ZNF616: variants seen among roughly 807,000 people sequenced by gnomAD.
ZNF616 encodes zinc finger protein 616.
In ZNF616, 5 loss-of-function variants were observed where a neutral mutation model predicts 7.6. The ratio of observed to expected loss-of-function variants is 0.66; its 90% CI spans 0.34 to 1.38. The LOEUF (loss-of-function observed/expected upper bound fraction) is 1.38. Ranked by LOEUF, ZNF616 falls within the 40% of genes most tolerant of loss-of-function variation. ZNF616 has a pLI of 0.04. For synonymous variants in ZNF616, 319 were observed against 317.2 expected, an observed-to-expected ratio of 1.01 and a Z score of -0.06; for missense variants, 913 against 948.3, an observed-to-expected ratio of 0.96 and a Z score of 0.49.
intron 2 of ZNF616, among the ~76,000 whole-genome samples, chr19:52,126,187 A>G (rs140393665): frequency 1.2e-4 from 19 of 152,336 alleles, no homozygotes; most frequent in Non-Finnish European, 2.8e-4. Context: ...ATCTGTACAA[A>G]CCTACATGAA....
intron 3 of ZNF616, among the ~76,000 whole-genome samples, chr19:52,120,178 A>G (rs1417192939): frequency 6.6e-6 from 1 of 152,248 alleles, no homozygotes; most frequent in Non-Finnish European, 1.5e-5. Context: ...AATCTGGGAT[A>G]TCAAAAACAT....
chr19:52,133,028 C>G (rs73056022), intron 1 of ZNF616, among the ~76,000 whole-genome samples: 5,339 of 152,158 alleles, frequency 0.035, 108 homozygotes, highest in South Asian at 0.072. Context: ...AAAAGAAAGA[C>G]TAAAGCAGGA....
intron 1 of ZNF616, among the ~76,000 whole-genome samples, chr19:52,136,779 T>TA (rs901584823): frequency 2.6e-5 from 4 of 152,122 alleles, no homozygotes; most frequent in African/African-American, 9.7e-5. Context: ...AAGAGACATC[T>TA]AGGCCAGGTG....
chr19:52,138,305 A>G (rs1025000505), intron 1 of ZNF616, among the ~76,000 whole-genome samples: 2 of 152,356 alleles, frequency 1.3e-5, no homozygotes, highest in Non-Finnish European at 1.5e-5. Context: ...GGGATTCCAA[A>G]TATCTTTTGA....
chr19:52,136,692 T>G (rs1357098080), intron 1 of ZNF616, among the ~76,000 whole-genome samples: 1 of 152,118 alleles, frequency 6.6e-6, no homozygotes, highest in East Asian at 1.9e-4. Flanking sequence ...CTTCAAAATA[T>G]TCAAAATAGA....
At chr19:52,137,498 A>G (rs1308429343) in intron 1 of ZNF616, among the ~76,000 whole-genome samples, 2 of 152,216 alleles carry the variant, frequency 1.3e-5, no homozygotes, top group African/African-American at 4.8e-5. Flanking sequence ...TCTGGAGGAC[A>G]TTATGCTGGG....
rs1036954219 is a variant in ZNF616, at chr19:52,119,542, T to A, written c.140-2518A>T. 5.3e-5 allele frequency among the ~76,000 whole-genome samples: 8 copies of A among 152,070 alleles called. 1 individual carries two copies. The highest frequency in any genetic ancestry group is 1.3e-4 in the Admixed American group (2 of 15,272). ...TATTCCGTCTGGAACAAAGTACTAT[T>A]TTAGGAAAGGCCAGGGAAGAGAAAA... On this transcript the variant is annotated intron_variant, in intron 3 of 3. Coordinates refer to ENST00000600228, the MANE Select transcript of ZNF616 (RefSeq NM_178523.5).
rs765419393 is a variant in ZNF616, at chr19:52,115,036, T to C, written c.2128A>G (p.Ile710Val). 1 of 1,614,090 alleles carries C rather than the reference T, an allele frequency of 6.2e-7. No homozygotes were observed. Among genetic ancestry groups the C allele is most frequent in the Non-Finnish European group, 8.5e-7 (1 of 1,180,006 alleles). Residue 710 changes from isoleucine to valine, a missense_variant, in exon 4 of 4, where the codon ATC (isoleucine) becomes GTC (valine). By Grantham distance (29) the Ile-to-Val change is conservative (BLOSUM62 3). Transcript: ENST00000600228. ...HSSHLVSHQR[I>V]HTGEKRYKCI... ...TTGTATCTTTTCTCTCCAGTGTGGA[T>C]TCTCTGGTGACTTACAAGATGTGAA... is the stretch of plus-strand genomic sequence containing the variant.
At chr19:52,117,133 G>A (rs1243453672) in intron 3 of ZNF616, 109 bp from the exon 4 acceptor site, 19 of 891,620 alleles carry the variant, frequency 2.1e-5, no homozygotes, top group Non-Finnish European at 2.9e-5. Context: ...TACTAGACAG[G>A]TGTGAGAGTT....
chr19:52,121,995 G>C lies in ZNF616; in HGVS notation c.139+1928C>G, dbSNP rs543401108. On this transcript the variant is annotated intron_variant, in intron 3 of 3. Transcript: ENST00000600228. ...GAGAAGTCCTTGAAGTGCAAGAAAT[G>C]GGCTACATGTATAATAAAGTAAGAT... 3.9e-5 allele frequency among the ~76,000 whole-genome samples: 6 copies of C among 151,904 alleles called. No homozygotes were observed. In the East Asian group the frequency reaches 1.2e-3, roughly 29 times the overall value.
At chr19:52,124,198 G>C (rs2088886900) in intron 2 of ZNF616, 149 bp from the exon 3 acceptor site, 11 of 976,376 alleles carry the variant, frequency 1.1e-5, no homozygotes, top group Non-Finnish European at 1.5e-5. Context: ...CCTAATTTTA[G>C]TTTGTTATAA....
intron 1 of ZNF616, among the ~76,000 whole-genome samples, chr19:52,132,385 G>C (rs963736353): frequency 6.6e-6 from 1 of 152,158 alleles, no homozygotes; most frequent in African/African-American, 2.4e-5. Flanking sequence ...GCCTGCAGGG[G>C]ACATGGAGAC....
At chr19:52,129,227 C>T (rs761948196) in intron 2 of ZNF616, among the ~76,000 whole-genome samples, 33 of 152,112 alleles carry the variant, frequency 2.2e-4, no homozygotes, top group Admixed American at 7.2e-4. Context: ...TGCAGTGAGT[C>T]GAGATCACGC....
intron 1 of ZNF616, chr19:52,138,689 T>C (rs1386586727): frequency 2.0e-5 from 3 of 152,396 alleles, no homozygotes; most frequent in Non-Finnish European, 2.9e-5. Context: ...TTTTCCCCCA[T>C]CTGAGCTCCC....
chr19:52,132,404 GAGT>G (rs1242138745), intron 1 of ZNF616, among the ~76,000 whole-genome samples: 1 of 152,104 alleles, frequency 6.6e-6, no homozygotes, highest in African/African-American at 2.4e-5. Flanking sequence ...ACGTGTAGGT[GAGT>G]AGGTGGGTGA....
At chr19:52,136,208 C>T (rs1341908469) in intron 1 of ZNF616, among the ~76,000 whole-genome samples, 1 of 150,998 alleles carries the variant, frequency 6.6e-6, no homozygotes, top group Non-Finnish European at 1.5e-5. Flanking sequence ...ATGCCAGGCA[C>T]GGTGGCTCAC....
At position 52,115,914 on chromosome 19, in the gene ZNF616, A is replaced by T; in HGVS notation, c.1250T>A (p.Val417Asp). 6.2e-7 allele frequency: 1 copy of T among 1,614,120 alleles called. No homozygotes were observed. The highest frequency in any genetic ancestry group is 8.5e-7 in the Non-Finnish European group (1 of 1,180,028). ...KPCKCNECGK[V>D]FSKRSSLAVH... The stretch of plus-strand genomic sequence containing the variant: ...TGCAAGACTTGAACGTTTACTGAAG[A>T]CCTTGCCACATTCATTGCATTTGCA... Residue 417 changes from valine (V) to aspartate (D), a missense_variant, in exon 4 of 4, where the codon GTC becomes GAC. By Grantham distance (152) the Val-to-Asp change is radical. Coordinates refer to ENST00000600228, the MANE Select transcript of ZNF616 (RefSeq NM_178523.5).
At chr19:52,119,851 C>G (rs1193452910) in intron 3 of ZNF616, among the ~76,000 whole-genome samples, 1 of 152,120 alleles carries the variant, frequency 6.6e-6, no homozygotes, top group African/African-American at 2.4e-5. Context: ...AATTGAATGT[C>G]CCATGAGTTA....
In ZNF616 at chr19:52,133,622, A is replaced by G. The variant is rs745454808; in HGVS notation, c.-76-3034T>C. On this transcript the variant is annotated intron_variant, in intron 1 of 3. Coordinates refer to ENST00000600228, the MANE Select transcript of ZNF616 (RefSeq NM_178523.5). The stretch of plus-strand genomic sequence containing the variant: ...CAACCTCCGCCTCCCGGGTTCAAGC[A>G]ATTCTCCTGCCTCAGCCTCCTGCTG... Among the ~76,000 whole-genome samples, 8 of 151,988 alleles carry G rather than the reference A, an allele frequency of 5.3e-5. 1 individual carries two copies. The highest frequency in any genetic ancestry group is 1.3e-4 in the Admixed American group (2 of 15,264).
Sources: allele counts gnomAD v4.1 joint callset (sites outside exome capture counted in the v4.1 genomes callset), GRCh38; gene constraint gnomAD v4.1.1; transcripts MANE v1.5; gene names NCBI Gene and HGNC (gene_info 2026-07-23, HGNC 2026-07-21).